Variants in JCAD observed in about 807,000 individuals in gnomAD.
JCAD encodes the protein junctional cadherin 5-associated protein.
In JCAD, 40 loss-of-function variants were observed where a neutral mutation model predicts 98.0. That is an observed-to-expected ratio of 0.41 (90% CI 0.32 to 0.53). JCAD has a LOEUF of 0.53. JCAD is among the 20% of genes least tolerant of loss of function. JCAD has a pLI of 0.31. For missense variants in JCAD, 1,705 were observed against 1,738.1 expected, an observed-to-expected ratio of 0.98 and a Z score of 0.34; for synonymous variants, 691 against 682.3, an observed-to-expected ratio of 1.01 and a Z score of -0.20.
chr10:30,019,265 G>A (rs1836604933), intron 3 of JCAD, among the ~76,000 whole-genome samples: 2 of 150,108 alleles, frequency 1.3e-5, no homozygotes, highest in South Asian at 4.2e-4. Flanking sequence ...GCTGAGGCAA[G>A]AGAATCGCTT....
At chr10:30,103,395 T>C (rs930574492) in intron 1 of JCAD, among the ~76,000 whole-genome samples, 3 of 152,206 alleles carry the variant, frequency 2.0e-5, no homozygotes, top group Non-Finnish European at 4.4e-5. Context: ...GATCCGGCAA[T>C]CCTGGTTGTT....
rs145610349 is a variant in JCAD, at chr10:30,082,720, G to A, written n.129-12899C>T. On this transcript the variant is annotated intron_variant and non_coding_transcript_variant, in intron 1 of 2. Transcript: ENST00000465712. ...CACAAAATTGGCCGGGTATGGTGGT[G>A]CGTGCCTGTAATCCCAGCTACTTCG... 9.1e-3 allele frequency among the ~76,000 whole-genome samples: 1,378 copies of A among 151,996 alleles called. 19 individuals are homozygous for A. The highest frequency in any genetic ancestry group is 0.055 in the Middle Eastern group (16 of 292).
At chr10:30,039,410 C>T (rs60133045) in intron 2 of JCAD, among the ~76,000 whole-genome samples, 8,222 of 152,300 alleles carry the variant, frequency 0.054, 578 homozygotes, top group African/African-American at 0.16. Flanking sequence ...GCAGCTGGAC[C>T]GGCCTCGGCT....
At chr10:30,031,328 G>T (rs1315991570) in intron 2 of JCAD, among the ~76,000 whole-genome samples, 1 of 151,560 alleles carries the variant, frequency 6.6e-6, no homozygotes, top group African/African-American at 2.4e-5. Flanking sequence ...ATGGGGTTTT[G>T]CTGTGTTGTC....
chr10:30,108,815 T>A (rs1276189153), intron 1 of JCAD, among the ~76,000 whole-genome samples: 1 of 151,378 alleles, frequency 6.6e-6, no homozygotes, highest in Non-Finnish European at 1.5e-5. Flanking sequence ...AGAAAATCCC[T>A]GTGAAATATA....
chr10:30,028,769 GCAGTGA>G lies in JCAD; in HGVS notation c.1373_1378del (p.Val458_Thr459del). Reference sequence around the variant, plus strand: ...CATTCCTCCATGAGCCGGCTCTTGAGCAGTGACAGGACTGGAGTTATATGATTTATC... The same window carrying G: ...CATTCCTCCATGAGCCGGCTCTTGAGCAGGACTGGAGTTATATGATTTATC... On this transcript the variant is annotated inframe_deletion, in exon 3 of 4. Coordinates refer to ENST00000375377, the MANE Select transcript of JCAD (RefSeq NM_020848.4). The G allele has an allele frequency of 6.2e-7, 1 of 1,614,244 alleles. No homozygotes were observed.
intron 1 of JCAD, among the ~76,000 whole-genome samples, chr10:30,051,387 G>C (rs766020884): frequency 6.6e-6 from 1 of 151,720 alleles, no homozygotes; most frequent in Non-Finnish European, 1.5e-5. Flanking sequence ...AATATGATTC[G>C]TTCTTGAATA....
In JCAD at chr10:30,037,695, T is replaced by G. The variant is rs545950782; in HGVS notation, c.282-7829A>C. Among the ~76,000 whole-genome samples, 3 of 152,118 alleles carry G rather than the reference T, an allele frequency of 2.0e-5. No individual in the cohort carries two copies. In the East Asian group the frequency reaches 5.8e-4, roughly 29 times the overall value. ...TCTGGAAGAGGAAGCATAATAAATT[T>G]GAGGACTCAGAAGTGATGCTAAATT... is the stretch of plus-strand genomic sequence containing the variant. On this transcript the variant is annotated intron_variant, in intron 2 of 3. Transcript: ENST00000375377.
Position 30,029,084 on chromosome 10 carries a change from T to C in JCAD, c.1064A>G (p.Asn355Ser). 1 of 1,613,704 alleles carries C rather than the reference T, an allele frequency of 6.2e-7. No homozygotes were observed. The highest frequency in any genetic ancestry group is 8.5e-7 in the Non-Finnish European group (1 of 1,179,930). Residue 355 changes from asparagine (N) to serine (S), a missense_variant, in exon 3 of 4, where the codon AAC becomes AGC. By Grantham distance (46) the Asn-to-Ser change is conservative (BLOSUM62 1). Transcript: ENST00000375377. ...SYRSPPQNIP[N>S]PYLEDTVPIN... ...GGGCACCGTGTCTTCCAAGTAGGGG[T>C]TTGGGATGTTCTGCGGGGGCGATCT...
chr10:30,046,951 G>A (rs957186418), intron 2 of JCAD, among the ~76,000 whole-genome samples: 2 of 152,182 alleles, frequency 1.3e-5, no homozygotes, highest in African/African-American at 4.8e-5. Context: ...TTAGCCAGGT[G>A]TGGTTGTGTG....
At chr10:30,084,335 G>A (rs574820650) in intron 1 of JCAD, among the ~76,000 whole-genome samples, 24 of 152,314 alleles carry the variant, frequency 1.6e-4, no homozygotes, top group Admixed American at 5.2e-4. Flanking sequence ...AAAATATAGT[G>A]TGATGATTAA....
chr10:30,027,570 C>CACT lies in JCAD; in HGVS notation c.2575_2577dup (p.Ser859dup), dbSNP rs760008102. 41 of 1,613,342 alleles carry CACT rather than the reference C, an allele frequency of 2.5e-5. No individual in the cohort carries two copies. In the South Asian group the frequency reaches 3.8e-4, roughly 15 times the overall value. On this transcript the variant is annotated inframe_insertion, in exon 3 of 4. Transcript: ENST00000375377. The stretch of plus-strand genomic sequence containing the variant: ...TGCTGCGGCTCCGCCTCACTCTCCT[C>CACT]ACTGCTGCTGCTGCTGCTGCTGCTG...
intron 1 of JCAD, among the ~76,000 whole-genome samples, chr10:30,086,442 A>G (rs567930034): frequency 4.4e-4 from 67 of 152,346 alleles, no homozygotes; most frequent in South Asian, 1.9e-3. Context: ...GCAGCTGCCT[A>G]CAGGATGATG....
chr10:30,095,287 T>A (rs1838350973), intron 1 of JCAD, among the ~76,000 whole-genome samples: 1 of 152,244 alleles, frequency 6.6e-6, no homozygotes. Flanking sequence ...TTCACTTCTC[T>A]TTCAGTTTTG....
intron 1 of JCAD, among the ~76,000 whole-genome samples, chr10:30,100,815 C>T (rs1838459417): frequency 1.3e-5 from 2 of 152,092 alleles, no homozygotes; most frequent in Non-Finnish European, 2.9e-5. Flanking sequence ...AACATGTGCC[C>T]AAGGTAGTCA....
At position 30,026,869 on chromosome 10, in the gene JCAD, C is replaced by A. The variant is rs755989785; in HGVS notation, c.3279G>T (p.Glu1093Asp). The change falls in exon 3 of 4, where the codon GAG becomes GAT. Residue 1093 changes from glutamate to aspartate, a missense_variant. Physicochemically the swap from Glu to Asp is conservative, Grantham distance 45. Coordinates refer to ENST00000375377, the MANE Select transcript of JCAD (RefSeq NM_020848.4). ...CCGGCAGGAGGGACTCCACCGCCACCTCAATGCCCAGGATCCTTGCAGCCC... is the reference window on the plus strand; with the variant it reads ...CCGGCAGGAGGGACTCCACCGCCACATCAATGCCCAGGATCCTTGCAGCCC... Reference protein sequence around the residue: ...QARAARILGIEVAVESLLPGI... With the variant: ...QARAARILGIDVAVESLLPGI... 4 of 1,613,948 alleles carry A rather than the reference C, an allele frequency of 2.5e-6. No individual in the cohort carries two copies. The African/African-American group carries it at 5.3e-5, about 22-fold the overall frequency.
At chr10:30,092,060 AAAAAATATATATATAT>A (rs1838282379) in intron 1 of JCAD, among the ~76,000 whole-genome samples, 1 of 18,606 alleles carries the variant, frequency 5.4e-5, no homozygotes, top group South Asian at 1.6e-3. Context: ...AAAAAAAAAA[AAAAAATATATATATAT>A]ATATATATAT....
At chr10:30,025,870 G>A (rs1165693087) in intron 3 of JCAD, 4 of 545,510 alleles carry the variant, frequency 7.3e-6, no homozygotes, top group East Asian at 3.4e-5. Context: ...CCAGCCAGGC[G>A]ACAGAGTGAG....
upstream of JCAD, among the ~76,000 whole-genome samples, chr10:30,063,007 C>T (rs1286263599): frequency 2.0e-5 from 3 of 152,138 alleles, no homozygotes; most frequent in African/African-American, 4.8e-5. Flanking sequence ...CCACACCGGT[C>T]ACCAGTACAT....
Sources: gnomAD v4.1 joint callset for allele counts (sites outside exome capture counted in the v4.1 genomes callset) on GRCh38, gnomAD v4.1.1 for gene constraint, MANE v1.5 for transcripts, NCBI Gene and HGNC (gene_info 2026-07-23, HGNC 2026-07-21) for gene names.